The following MPP2 variants were observed in gnomAD, a reference collection of about 807,000 sequenced individuals.
The protein encoded by MPP2 is MAGUK p55 scaffold protein 2.
Under a neutral mutation model 58.5 loss-of-function variants are expected in MPP2, and 42 were observed. The observed-to-expected ratio is 0.72, with a 90% CI of 0.56 to 0.93. The LOEUF (loss-of-function observed/expected upper bound fraction) is 0.93, where lower values mean the gene tolerates loss of function less well. Ranked by LOEUF, MPP2 falls within the 40% of genes least tolerant of loss-of-function variation. The pLI is 0.00. For synonymous variants in MPP2, 300 were observed against 307.8 expected, an observed-to-expected ratio of 0.97 and a Z score of 0.26; for missense variants, 632 against 760.4, an observed-to-expected ratio of 0.83 and a Z score of 1.99.
At chr17:43,893,009 T>C (rs867737197) in intron 3 of MPP2, among the ~76,000 whole-genome samples, 2 of 140,564 alleles carry the variant, frequency 1.4e-5, no homozygotes, top group African/African-American at 3.2e-5. Flanking sequence ...GATGGATGGA[T>C]GGATGGATGG....
intron 3 of MPP2, among the ~76,000 whole-genome samples, chr17:43,885,697 C>G (rs2047336223): frequency 6.6e-6 from 1 of 152,142 alleles, no homozygotes. Context: ...CTGCTACTAC[C>G]TATCACAAAT....
intron 3 of MPP2, among the ~76,000 whole-genome samples, chr17:43,892,171 T>C (rs1206157630): frequency 1.3e-5 from 2 of 152,104 alleles, no homozygotes; most frequent in East Asian, 3.9e-4. Flanking sequence ...GCCCTGTCCC[T>C]CCCTGGTCCC....
Position 43,879,767 on chromosome 17 carries a change from G to T in MPP2, c.1353+15C>A. On this transcript the variant is annotated intron_variant, in intron 11 of 12. Transcript: ENST00000269095. The surrounding 1 kb of genome is among the most constrained non-coding windows in gnomAD (Gnocchi z 4.1). ...AGGACATTGGGCAGGCTGGGAAGGAGCAGAGTGGCGGTACCTGGGGGTTGA... is the reference window on the plus strand; with the variant it reads ...AGGACATTGGGCAGGCTGGGAAGGATCAGAGTGGCGGTACCTGGGGGTTGA... 6.2e-7 allele frequency: 1 copy of T among 1,612,590 alleles called. No homozygotes were observed. Among genetic ancestry groups the T allele is most frequent in the South Asian group, 1.1e-5 (1 of 91,046 alleles).
At chr17:43,900,596 G>T (rs765369282) in intron 2 of MPP2, 34 of 1,491,048 alleles carry the variant, frequency 2.3e-5, no homozygotes, top group Non-Finnish European at 3.0e-5. Flanking sequence ...CCTACACGCC[G>T]CCGTCTACCG....
At chr17:43,888,455 C>G (rs561504483) in intron 3 of MPP2, among the ~76,000 whole-genome samples, 2 of 151,530 alleles carry the variant, frequency 1.3e-5, no homozygotes, top group East Asian at 3.9e-4. Context: ...CGTCCCAGCT[C>G]TGGCTCTGTT....
Position 43,879,467 on chromosome 17 carries a change from G to C in MPP2, c.1354-64C>G. The C allele has an allele frequency of 6.3e-7, 1 of 1,595,338 alleles. No individual in the cohort carries two copies. The highest frequency in any genetic ancestry group is 8.6e-7 in the Non-Finnish European group (1 of 1,166,632). On this transcript the variant is annotated intron_variant, in intron 11 of 12. Transcript: ENST00000269095. This position sits in a 1 kb window ranked among gnomAD's most constrained non-coding sequence, Gnocchi z 4.1. Reference sequence around the variant, plus strand: ...TGTCTGTCCTAGGAACCAGAGAAAGGCTGTGAGGGTAACTGGGGTTGGGGT... The same window carrying C: ...TGTCTGTCCTAGGAACCAGAGAAAGCCTGTGAGGGTAACTGGGGTTGGGGT...
Position 43,880,380 on chromosome 17 carries a change from C to T in MPP2, c.1150+311G>A, listed in dbSNP as rs2047053748. Among the ~76,000 whole-genome samples, 1 of 152,216 alleles carries T rather than the reference C, an allele frequency of 6.6e-6. No homozygotes were observed. On this transcript the variant is annotated intron_variant, in intron 10 of 12. Transcript: ENST00000269095. The surrounding 1 kb of genome is among the most constrained non-coding windows in gnomAD (Gnocchi z 5.2). ...CTTCCACAAGGCTACACACATGCAG[C>T]TCGTAGCCTGTTTCACCCGGGTGCA...
chr17:43,887,299 AC>A (rs1273071017), intron 3 of MPP2, among the ~76,000 whole-genome samples: 1 of 152,132 alleles, frequency 6.6e-6, no homozygotes, highest in African/African-American at 2.4e-5. Flanking sequence ...TGGAAGGATC[AC>A]TTGAACCCAG....
intron 2 of MPP2, among the ~76,000 whole-genome samples, chr17:43,901,962 A>G (rs940678644): frequency 1.3e-5 from 2 of 152,126 alleles, no homozygotes; most frequent in African/African-American, 4.8e-5. Context: ...CAAGGCAGGG[A>G]TCTCCCAGGG....
chr17:43,882,212 C>G (rs1255289874), intron 6 of MPP2, 72 bp downstream of exon 6: 2 of 1,405,050 alleles, frequency 1.4e-6, no homozygotes, highest in Non-Finnish European at 2.0e-6. Context: ...GGAGGGCCTC[C>G]GTGAGACCTG....
intron 2 of MPP2, among the ~76,000 whole-genome samples, chr17:43,902,537 G>T (rs2048136556): frequency 6.6e-6 from 1 of 152,206 alleles, no homozygotes; most frequent in African/African-American, 2.4e-5. Context: ...GGGGGACTGA[G>T]CCCTCTGATG....
chr17:43,898,302 C>G lies in MPP2; in HGVS notation c.110G>C (p.Arg37Pro). 1.2e-6 allele frequency: 2 copies of G among 1,614,144 alleles called. No individual in the cohort carries two copies. The highest frequency in any genetic ancestry group is 1.7e-6 in the Non-Finnish European group (2 of 1,180,020). ...GAAELDLIFL[R>P]GIMESPIVRS... ...TACTATGGGACTTTCCATAATGCCT[C>G]GAAGGAAGATCAGGTCCAGCTCTGC... The change falls in exon 3 of 13, where the codon CGA becomes CCA. Residue 37 changes from arginine (R) to proline (P), a missense_variant. Arg to Pro is a moderately radical substitution (Grantham distance 103). Coordinates refer to ENST00000269095, the MANE Select transcript of MPP2 (RefSeq NM_005374.5).
chr17:43,907,925 C>T (rs2048356566), upstream of MPP2: 11 of 985,348 alleles, frequency 1.1e-5, no homozygotes, highest in Non-Finnish European at 1.2e-5. Context: ...TATCCTGCTT[C>T]CATATTGAGA....
At chr17:43,900,422 A>G in intron 2 of MPP2, 3 of 1,538,382 alleles carry the variant, frequency 2.0e-6, no homozygotes, top group Non-Finnish European at 2.6e-6. Flanking sequence ...GGAGGAAGGT[A>G]GGCTAAGGGG....
intron 3 of MPP2, among the ~76,000 whole-genome samples, chr17:43,889,102 T>C (rs231510): frequency 0.8 from 121,708 of 151,954 alleles, 49,755 homozygotes; most frequent in East Asian, 1. Context: ...ATTTTTTATA[T>C]TTCAGTTGAG....
chr17:43,880,130 A>G lies in MPP2; in HGVS notation c.1151-146T>C. ...ATCTTGCCAGCACTGCTGCCTTTGC[A>G]CACACCTGCCCCCCACTCTCCCCAT... On this transcript the variant is annotated intron_variant, in intron 10 of 12. Transcript: ENST00000269095. The surrounding 1 kb of genome is among the most constrained non-coding windows in gnomAD (Gnocchi z 5.2). The G allele has an allele frequency of 1.4e-6, 1 of 716,696 alleles. No individual in the cohort carries two copies. Among genetic ancestry groups the G allele is most frequent in the Non-Finnish European group, 2.4e-6 (1 of 422,922 alleles). 44.4% of individuals were successfully genotyped at this position (716,696 alleles called of 1,614,324 possible).
At chr17:43,907,191 G>A (rs1476344393) in intron 1 of MPP2, 2 of 985,478 alleles carry the variant, frequency 2.0e-6, no homozygotes, top group East Asian at 1.1e-4. Context: ...CGCAGATACC[G>A]GGGCCCCTCA....
At chr17:43,900,816 C>T (rs2048066870) in intron 2 of MPP2, among the ~76,000 whole-genome samples, 1 of 152,186 alleles carries the variant, frequency 6.6e-6, no homozygotes, top group African/African-American at 2.4e-5. Flanking sequence ...GCCCGATCCC[C>T]AGCATGTCAG....
chr17:43,905,133 C>T (rs1005364598), intron 1 of MPP2, among the ~76,000 whole-genome samples: 15 of 151,628 alleles, frequency 9.9e-5, no homozygotes, highest in African/African-American at 3.4e-4. Flanking sequence ...GCCATGATTG[C>T]GCCACTGCAC....
Sources: allele counts gnomAD v4.1 joint callset (sites outside exome capture counted in the v4.1 genomes callset), GRCh38; gene constraint gnomAD v4.1.1; non-coding constraint Gnocchi (gnomAD v3.1); transcripts MANE v1.5; gene names NCBI Gene and HGNC (gene_info 2026-07-23, HGNC 2026-07-21).